The following HENMT1 variants were observed in gnomAD, a reference collection of about 807,000 sequenced individuals.
The protein encoded by HENMT1 is small RNA 2'-O-methyltransferase.
In HENMT1, 27 loss-of-function variants were observed where a neutral mutation model predicts 31.1. The ratio of observed to expected loss-of-function variants is 0.87; its 90% CI spans 0.64 to 1.20. The LOEUF is 1.20. Among genes scored for constraint, HENMT1 ranks in the 50% most tolerant of loss-of-function variants. The pLI, the probability that HENMT1 is intolerant of heterozygous loss-of-function variation, is 0.00. For missense variants in HENMT1, 438 were observed against 469.6 expected, an observed-to-expected ratio of 0.93 and a Z score of 0.62; for synonymous variants, 167 against 172.2, an observed-to-expected ratio of 0.97 and a Z score of 0.24.
At chr1:108,655,173 C>T (rs946520598) in intron 4 of HENMT1, among the ~76,000 whole-genome samples, 1 of 152,090 alleles carries the variant, frequency 6.6e-6, no homozygotes, top group Non-Finnish European at 1.5e-5. Flanking sequence ...ATTCTTGAAG[C>T]AATCTGTGGA....
rs903099122 is a variant in HENMT1, at chr1:108,659,720, C to T, written c.21+144G>A. ...CATACACCAAATGTGACTCTTTCAT[C>T]TATGTATACCCTTGTTTACCTCAAC... On this transcript the variant is annotated intron_variant, in intron 2 of 7. Coordinates refer to ENST00000651461, the MANE Select transcript of HENMT1 (RefSeq NM_001102592.2). The T allele has an allele frequency of 5.5e-6, 3 of 543,276 alleles. No individual in the cohort carries two copies. The African/African-American group carries it at 6.0e-5, about 11-fold the overall frequency. The allele number at this position is 543,276 out of a possible 1,614,324, so 33.7% of individuals were successfully genotyped here.
intron 2 of HENMT1, among the ~76,000 whole-genome samples, chr1:108,657,824 C>T (rs962836616): frequency 1.3e-5 from 2 of 151,884 alleles, no homozygotes; most frequent in Non-Finnish European, 2.9e-5. Flanking sequence ...TTAGTTTCAG[C>T]TGAAGGGAAC....
Position 108,649,371 on chromosome 1 carries a change from CAGG to C in HENMT1, c.757-383_757-381del, listed in dbSNP as rs1043605973. Reference sequence around the variant, plus strand: ...ATCTCAGCATTTTAGGAAGATGGGGCAGGAGGATTGCTTGAGGATGGAAGTTCA... The same window carrying C: ...ATCTCAGCATTTTAGGAAGATGGGGCAGGATTGCTTGAGGATGGAAGTTCA... On this transcript the variant is annotated intron_variant, in intron 7 of 7. Transcript: ENST00000651461. 13 of 459,202 alleles carry C rather than the reference CAGG, an allele frequency of 2.8e-5. 1 individual carries two copies. Among genetic ancestry groups the C allele is most frequent in the Admixed American group, 2.1e-4 (9 of 42,568 alleles). The allele number at this position is 459,202 out of a possible 1,614,324, so 28.4% of individuals were successfully genotyped here.
chr1:108,660,485 G>T (rs1658419020), intron 1 of HENMT1, among the ~76,000 whole-genome samples: 1 of 152,278 alleles, frequency 6.6e-6, no homozygotes. Context: ...GGGAAAAAAA[G>T]TGTCCTTGAT....
At chr1:108,651,765 A>AGGGGC (rs1553183202) in intron 5 of HENMT1, among the ~76,000 whole-genome samples, 2 of 148,576 alleles carry the variant, frequency 1.3e-5, no homozygotes, top group African/African-American at 2.5e-5. Flanking sequence ...AGGGGAGGGG[A>AGGGGC]GGGGGAAAAA....
intron 1 of HENMT1, 84 bp downstream of exon 1, chr1:108,660,879 C>T: frequency 1.7e-6 from 1 of 597,094 alleles, no homozygotes; most frequent in South Asian, 7.4e-5. Flanking sequence ...AGCCGAGATC[C>T]CGCCACTGCA....
chr1:108,654,651 G>A, intron 5 of HENMT1, 65 bp downstream of exon 5: 2 of 1,513,168 alleles, frequency 1.3e-6, no homozygotes, highest in Non-Finnish European at 1.8e-6. Flanking sequence ...AGGACACTAA[G>A]ATCACTGAGA....
chr1:108,658,866 A>G (rs1658351001), intron 2 of HENMT1, among the ~76,000 whole-genome samples: 1 of 152,236 alleles, frequency 6.6e-6, no homozygotes, highest in Non-Finnish European at 1.5e-5. Flanking sequence ...AATAGCTGTT[A>G]CTATTCCTAT....
intron 1 of HENMT1, among the ~76,000 whole-genome samples, 159 bp from the exon 2 acceptor site, chr1:108,660,121 C>CCAAA (rs1553184063): frequency 7.9e-6 from 1 of 125,970 alleles, no homozygotes. Context: ...TCTGAGTACT[C>CCAAA]AAAAAAAAAA....
chr1:108,660,259 T>C (rs565424520), intron 1 of HENMT1, among the ~76,000 whole-genome samples: 2 of 152,296 alleles, frequency 1.3e-5, no homozygotes, highest in East Asian at 3.9e-4. Context: ...CAGTATTTTT[T>C]CAGACATTCG....
At chr1:108,660,851 G>A (rs979912669) in intron 1 of HENMT1, 112 bp downstream of exon 1, 7 of 343,086 alleles carry the variant, frequency 2.0e-5, no homozygotes, top group Non-Finnish European at 2.9e-5. Flanking sequence ...ATGAACCCGG[G>A]AGGCGGAGCT....
chr1:108,656,045 T>C (rs758431707), intron 3 of HENMT1, among the ~76,000 whole-genome samples: 3 of 152,156 alleles, frequency 2.0e-5, no homozygotes, highest in African/African-American at 4.8e-5. Context: ...GAATCAGAAT[T>C]TGGAGTCAAA....
At chr1:108,655,756 A>G (rs1658216764) in intron 3 of HENMT1, 58 bp from the exon 4 acceptor site, 3 of 1,228,360 alleles carry the variant, frequency 2.4e-6, no homozygotes, top group East Asian at 2.4e-5. Context: ...AGTATGATCA[A>G]AAACTTTTTT....
chr1:108,648,860 T>C lies in HENMT1; in HGVS notation c.888A>G (p.Glu296=). 1 of 1,614,174 alleles carries C rather than the reference T, an allele frequency of 6.2e-7. No individual in the cohort carries two copies. Among genetic ancestry groups the C allele is most frequent in the Non-Finnish European group, 8.5e-7 (1 of 1,180,018 alleles). ...CAATGTCTTTGGGCTTATCACCCCG[T>C]TCCCCAGCCTGTTCTTTCCGCCTTG... ...HLPRRKEQAG[E]RGDKPKDIGG... is the part of the protein sequence containing the mutation. Residue 296 remains glutamate (E), a synonymous_variant, in exon 8 of 8, where the codon GAA becomes GAG. Transcript: ENST00000651461.
chr1:108,653,032 C>CTTT (rs796472509), intron 5 of HENMT1, among the ~76,000 whole-genome samples: 1 of 143,054 alleles, frequency 7.0e-6, no homozygotes, highest in African/African-American at 2.6e-5. Flanking sequence ...ATATACATCC[C>CTTT]TTTTTTTTTT....
At position 108,648,489 on chromosome 1, in the gene HENMT1, G is replaced by T. The variant is rs191823737; in HGVS notation, c.*77C>A. The T allele has an allele frequency of 5.8e-6, 7 of 1,203,724 alleles. No homozygotes were observed. In the Admixed American group the frequency reaches 1.4e-4, roughly 25 times the overall value. 74.6% of individuals were successfully genotyped at this position (1,203,724 alleles called of 1,614,324 possible). A position where few individuals can be genotyped will look rare whatever the true frequency, so the allele number is the denominator to read the frequency against. ...ACTTTAAAAACATTACTTGAATTAG[G>T]ATTACACAAAAAAAACTAAATTCTA... is the stretch of plus-strand genomic sequence containing the variant. On this transcript the variant is annotated 3_prime_UTR_variant, in exon 8 of 8. Coordinates refer to ENST00000651461, the MANE Select transcript of HENMT1 (RefSeq NM_001102592.2).
At chr1:108,650,467 G>A in intron 6 of HENMT1, 79 bp from the exon 7 acceptor site, 1 of 1,256,986 alleles carries the variant, frequency 8.0e-7, no homozygotes, top group Non-Finnish European at 1.1e-6. Context: ...CTGGTCAGCA[G>A]TAAAAGAGAA....
chr1:108,648,377 C>T lies in HENMT1; in HGVS notation c.*189G>A, dbSNP rs1657936046. The T allele has an allele frequency of 5.2e-6, 3 of 581,842 alleles. No individual in the cohort carries two copies. The highest frequency in any genetic ancestry group is 4.5e-5 in the South Asian group (2 of 44,044). The allele number at this position is 581,842 out of a possible 1,614,324, so 36.0% of individuals were successfully genotyped here. A position where few individuals can be genotyped will look rare whatever the true frequency, so the allele number is the denominator to read the frequency against. ...CAAAGGAAAGCACCCGTTTTAAACC[C>T]TCATATCTTTCTCAGGGCTCACTGC... is the stretch of plus-strand genomic sequence containing the variant. On this transcript the variant is annotated 3_prime_UTR_variant, in exon 8 of 8. Coordinates refer to ENST00000651461, the MANE Select transcript of HENMT1 (RefSeq NM_001102592.2).
intron 2 of HENMT1, 67 bp from the exon 3 acceptor site, chr1:108,657,646 CAA>C (rs35789898): frequency 6.1e-4 from 674 of 1,111,340 alleles, no homozygotes; most frequent in Admixed American, 7.8e-4. Context: ...AAATAAGGGG[CAA>C]AAAAAAAAAA....
Sources: gnomAD v4.1 joint callset for allele counts (sites outside exome capture counted in the v4.1 genomes callset) on GRCh38, gnomAD v4.1.1 for gene constraint, MANE v1.5 for transcripts, NCBI Gene and HGNC (gene_info 2026-07-23, HGNC 2026-07-21) for gene names.